DNAH17: variants seen among roughly 807,000 people sequenced by gnomAD.
DNAH17 encodes the protein axonemal beta dynein heavy chain 17.
A neutral mutation model predicts 485.6 loss-of-function variants in DNAH17; 376 were observed. That is an observed-to-expected ratio of 0.77 (90% CI 0.71 to 0.84). The LOEUF (loss-of-function observed/expected upper bound fraction) is 0.84, where lower values mean the gene tolerates loss of function less well. Ranked by LOEUF, DNAH17 falls within the 40% of genes least tolerant of loss-of-function variation. The pLI, the probability that DNAH17 is intolerant of heterozygous loss-of-function variation, is 0.00. For synonymous variants in DNAH17, 3,031 were observed against 2,405.9 expected, an observed-to-expected ratio of 1.26 and a Z score of -7.60; for missense variants, 6,370 against 5,839.3, an observed-to-expected ratio of 1.09 and a Z score of -2.96.
intron 27 of DNAH17, among the ~76,000 whole-genome samples, chr17:78,509,145 T>G (rs1218794432): frequency 2.3e-4 from 12 of 51,632 alleles, no homozygotes; most frequent in Non-Finnish European, 1.3e-4. Context: ...TTTTGTATTT[T>G]TAGCAAAGAT....
rs1168010964 is a variant in DNAH17, at chr17:78,495,011, G to C, written c.5990C>G (p.Ala1997Gly). 2 of 1,612,918 alleles carry C rather than the reference G, an allele frequency of 1.2e-6. No individual in the cohort carries two copies. The highest frequency in any genetic ancestry group is 1.7e-5 in the Admixed American group (1 of 59,878). Residue 1997 changes from alanine to glycine, a missense_variant, in exon 39 of 81, where the codon GCC becomes GGC. By Grantham distance (60) the Ala-to-Gly change is moderately conservative. Coordinates refer to ENST00000389840, the MANE Select transcript of DNAH17 (RefSeq NM_173628.4). ...GGTGTACAGGGTGATGAACTTCCTGGCCAGAAGGCGGGCTTCCAGAAAGCC... is the reference window on the plus strand; with the variant it reads ...GGTGTACAGGGTGATGAACTTCCTGCCCAGAAGGCGGGCTTCCAGAAAGCC... ...AEGFLEARLL[A>G]RKFITLYTLC...
intron 10 of DNAH17, 99 bp from the exon 11 acceptor site, chr17:78,566,829 G>A: frequency 4.6e-6 from 6 of 1,309,138 alleles, no homozygotes; most frequent in Non-Finnish European, 6.3e-6. Flanking sequence ...TCGGGACTGA[G>A]GCGCAGCTGA....
intron 17 of DNAH17, 39 bp from the exon 18 acceptor site, chr17:78,539,919 G>A (rs1336846185): frequency 2.6e-6 from 4 of 1,520,668 alleles, no homozygotes; most frequent in Non-Finnish European, 3.5e-6. Flanking sequence ...CACTTCACTG[G>A]CTGTGCTTGC....
intron 76 of DNAH17, among the ~76,000 whole-genome samples, 191 bp downstream of exon 76, chr17:78,428,924 TAAAAAA>T (rs11409298): frequency 2.9e-5 from 3 of 103,318 alleles, no homozygotes; most frequent in African/African-American, 1.2e-4. Flanking sequence ...TTTCTTTCTT[TAAAAAA>T]AAAAAAAAAA....
intron 20 of DNAH17, among the ~76,000 whole-genome samples, chr17:78,531,487 T>A (rs528809161): frequency 6.6e-6 from 1 of 151,954 alleles, no homozygotes; most frequent in African/African-American, 2.4e-5. Context: ...TACAGGCGCC[T>A]GCCACCACGC....
At chr17:78,561,556 A>G (rs1238592513) in intron 12 of DNAH17, among the ~76,000 whole-genome samples, 159 bp downstream of exon 12, 1 of 150,898 alleles carries the variant, frequency 6.6e-6, no homozygotes, top group Non-Finnish European at 1.5e-5. Context: ...TGATCAGGGG[A>G]GGAGGGAGGA....
rs1423066404 is a variant in DNAH17 at position 78,440,047 on chromosome 17, C to CA, written c.11678-831_11678-830insT. Among the ~76,000 whole-genome samples, 220 of 152,030 alleles carry CA rather than the reference C, an allele frequency of 1.4e-3. 1 individual carries two copies. Among genetic ancestry groups the CA allele is most frequent in the Non-Finnish European group, 2.6e-3 (180 of 67,988 alleles). On this transcript the variant is annotated intron_variant, in intron 72 of 80. Transcript: ENST00000389840. The stretch of plus-strand genomic sequence containing the variant: ...TCCCCAAGCTCAAGTGATCCTTCTG[C>CA]CTTGGCCTCCAGAGTAGCTGGGACC...
chr17:78,529,358 G>A (rs2091165162), intron 22 of DNAH17, 114 bp downstream of exon 22: 2 of 1,032,094 alleles, frequency 1.9e-6, no homozygotes, highest in Non-Finnish European at 2.9e-6. Context: ...GATGTCCAGA[G>A]AGGATCTAGC....
chr17:78,544,289 G>A (rs78655803), intron 16 of DNAH17, among the ~76,000 whole-genome samples: 22,172 of 152,208 alleles, frequency 0.15, 1,787 homozygotes, highest in East Asian at 0.33. Flanking sequence ...GTCACTCTCA[G>A]GAAAGGAGCA....
intron 17 of DNAH17, 100 bp downstream of exon 17, chr17:78,543,757 G>T: frequency 1.3e-6 from 2 of 1,541,892 alleles, no homozygotes; most frequent in Non-Finnish European, 1.8e-6. Context: ...CAAGAAATGT[G>T]TCACTAATCA....
Position 78,543,269 on chromosome 17 carries a change from C to T in DNAH17, c.2532+588G>A, listed in dbSNP as rs141668880. Among the ~76,000 whole-genome samples, 511 of 148,916 alleles carry T rather than the reference C, an allele frequency of 3.4e-3. 3 individuals are homozygous for T. The highest frequency in any genetic ancestry group is 0.012 in the African/African-American group (488 of 40,162). On this transcript the variant is annotated intron_variant, in intron 17 of 80. Transcript: ENST00000389840. ...AGCTGGGATTACAGGCATGTGCCAA[C>T]GTGCCCGGTTAATTTTTGTTTTTTT...
chr17:78,539,523 T>A (rs776240079), intron 18 of DNAH17, among the ~76,000 whole-genome samples: 1 of 152,166 alleles, frequency 6.6e-6, no homozygotes, highest in African/African-American at 2.4e-5. Flanking sequence ...TATGGCAGAT[T>A]TAAAGTGACC....
chr17:78,554,574 T>G (rs560176013), intron 14 of DNAH17, among the ~76,000 whole-genome samples: 1 of 151,810 alleles, frequency 6.6e-6, no homozygotes, highest in East Asian at 1.9e-4. Context: ...AGGGAGAAGT[T>G]TTCATGATTC....
chr17:78,565,222 T>C (rs1452799613), intron 11 of DNAH17, among the ~76,000 whole-genome samples: 1 of 152,200 alleles, frequency 6.6e-6, no homozygotes, highest in Non-Finnish European at 1.5e-5. Flanking sequence ...ATGGTATAAA[T>C]CGTGAGTAAG....
At chr17:78,518,687 G>A (rs969289217) in intron 25 of DNAH17, among the ~76,000 whole-genome samples, 1 of 152,162 alleles carries the variant, frequency 6.6e-6, no homozygotes, top group African/African-American at 2.4e-5. Context: ...CCCAACAGAA[G>A]CAGAATACGC....
At chr17:78,472,619 G>A (rs1038644619) in intron 54 of DNAH17, 9 of 401,506 alleles carry the variant, frequency 2.2e-5, no homozygotes, top group South Asian at 5.0e-5. Context: ...GCCTGGCCCC[G>A]GGGGCTGTGT....
At chr17:78,556,906 A>C (rs940566312) in intron 14 of DNAH17, among the ~76,000 whole-genome samples, 2 of 152,222 alleles carry the variant, frequency 1.3e-5, no homozygotes, top group African/African-American at 4.8e-5. Flanking sequence ...GAGTGAAAGC[A>C]GACAGAGAAA....
At chr17:78,576,498 G>A (rs997153243) in intron 1 of DNAH17, among the ~76,000 whole-genome samples, 9 of 152,164 alleles carry the variant, frequency 5.9e-5, no homozygotes, top group African/African-American at 1.7e-4. Flanking sequence ...GGAGCACCGC[G>A]TGGCATTTAT....
intron 51 of DNAH17, chr17:78,478,784 TCATCATAACCATCACTAC>T: frequency 2.1e-6 from 1 of 476,458 alleles, no homozygotes; most frequent in Non-Finnish European, 3.7e-6. Context: ...ACCATCACTA[TCATCATAACCATCACTAC>T]CACCATCATC....
Sources: allele counts gnomAD v4.1 joint callset (sites outside exome capture counted in the v4.1 genomes callset), GRCh38; gene constraint gnomAD v4.1.1; transcripts MANE v1.5; gene names NCBI Gene and HGNC (gene_info 2026-07-23, HGNC 2026-07-21).